The following PDZD2 variants were observed in gnomAD, a reference collection of about 807,000 sequenced individuals.
PDZD2 encodes the protein PDZ domain-containing protein 2.
PDZD2 carries 90 observed loss-of-function variants against 220.7 expected under a neutral mutation model. The observed-to-expected ratio is 0.41, with a 90% confidence interval of 0.34 to 0.49. The LOEUF is 0.49. Among genes scored for constraint, PDZD2 ranks in the 20% least tolerant of loss-of-function variants. The pLI is 0.28. For missense variants in PDZD2, 3,174 were observed against 3,608.5 expected, an observed-to-expected ratio of 0.88 and a Z score of 3.08; for synonymous variants, 1,375 against 1,450.5, an observed-to-expected ratio of 0.95 and a Z score of 1.18.
At chr5:31,890,706 G>A (rs1740952004) in intron 2 of PDZD2, among the ~76,000 whole-genome samples, 1 of 152,184 alleles carries the variant, frequency 6.6e-6, no homozygotes, top group African/African-American at 2.4e-5. Context: ...AAATCAAACA[G>A]GCTTAATGAG....
intron 1 of PDZD2, among the ~76,000 whole-genome samples, chr5:31,749,272 G>A (rs922842798): frequency 6.6e-6 from 1 of 152,152 alleles, no homozygotes; most frequent in Non-Finnish European, 1.5e-5. Flanking sequence ...TAGGCCCACA[G>A]ATACTTGTTT....
intron 2 of PDZD2, among the ~76,000 whole-genome samples, chr5:31,802,078 CTT>C (rs978542371): frequency 3.3e-5 from 5 of 152,106 alleles, no homozygotes; most frequent in Non-Finnish European, 5.9e-5. Flanking sequence ...GAACTGGAAT[CTT>C]TATTGAAGCT....
rs1746972675 is a variant in PDZD2 at position 31,688,776 on chromosome 5, T to C, written c.-361+49339T>C. Among the ~76,000 whole-genome samples, 3 of 152,040 alleles carry C rather than the reference T, an allele frequency of 2.0e-5. No individual in the cohort carries two copies. The South Asian group carries it at 6.2e-4, about 32-fold the overall frequency. The stretch of plus-strand genomic sequence containing the variant: ...AAGAGTGAATGAATATACTGCAGAG[T>C]TGACTTAATATTTGCTCTGCTTGAG... On this transcript the variant is annotated intron_variant, in intron 1 of 24. Transcript: ENST00000438447.
rs560397351 is a variant in PDZD2 at position 31,813,687 on chromosome 5, A to G, written c.476+13963A>G. On this transcript the variant is annotated intron_variant, in intron 2 of 24. Coordinates refer to ENST00000438447, the MANE Select transcript of PDZD2 (RefSeq NM_178140.4). Reference sequence around the variant, plus strand: ...GTGGTCAAAATAGCTAAAATAATACATGGAAAACAATATAGCTGCAAAATA... The same window carrying G: ...GTGGTCAAAATAGCTAAAATAATACGTGGAAAACAATATAGCTGCAAAATA... Among the ~76,000 whole-genome samples the G allele has an allele frequency of 3.9e-5, 6 of 152,368 alleles. No individual in the cohort carries two copies. The South Asian group carries it at 1.2e-3, about 32-fold the overall frequency.
intron 2 of PDZD2, among the ~76,000 whole-genome samples, chr5:31,857,826 T>A (rs919857184): frequency 2.6e-5 from 4 of 151,538 alleles, no homozygotes; most frequent in African/African-American, 9.7e-5. Context: ...TGTGTATTTT[T>A]ATTTTTATTT....
chr5:31,982,793 A>G (rs1325623590), intron 2 of PDZD2, among the ~76,000 whole-genome samples: 7 of 152,246 alleles, frequency 4.6e-5, no homozygotes, highest in Non-Finnish European at 1.0e-4. Flanking sequence ...ATGGGAGCCT[A>G]GCATAATTCC....
chr5:31,937,937 T>C (rs1207541318), intron 2 of PDZD2, among the ~76,000 whole-genome samples: 1 of 152,246 alleles, frequency 6.6e-6, no homozygotes, highest in African/African-American at 2.4e-5. Flanking sequence ...AGCCTGTTTT[T>C]GTATGGCCTG....
At chr5:31,704,268 C>T (rs1747724726) in intron 1 of PDZD2, among the ~76,000 whole-genome samples, 1 of 152,174 alleles carries the variant, frequency 6.6e-6, no homozygotes, top group Admixed American at 6.5e-5. Context: ...CAACCTCAGC[C>T]TCCCAAAGTG....
chr5:31,805,493 A>T (rs1260911549), intron 2 of PDZD2, among the ~76,000 whole-genome samples: 1 of 152,118 alleles, frequency 6.6e-6, no homozygotes, highest in African/African-American at 2.4e-5. Flanking sequence ...TCCTCGGTTG[A>T]TGGTTGCCTG....
chr5:31,851,993 A>T (rs1296570455), intron 2 of PDZD2, among the ~76,000 whole-genome samples: 1 of 151,420 alleles, frequency 6.6e-6, no homozygotes, highest in Non-Finnish European at 1.5e-5. Context: ...AGTAGCTGGG[A>T]TTACAAGTAC....
rs1285160300 is a variant in PDZD2, at chr5:32,073,975, C to T, written c.2869C>T (p.Leu957Phe). The change falls in exon 18 of 25, where the codon CTC (leucine) becomes TTC (phenylalanine). Residue 957 changes from leucine (L) to phenylalanine (F), a missense_variant. By Grantham distance (22) the Leu-to-Phe change is conservative. This residue lies in a region of PDZD2 where 1,861 missense variants were observed against 2,001.0 expected (regional missense o/e 0.93). Transcript: ENST00000438447. ...CCCACAGGCCCTCCGAAACCCTCTC[C>T]TCCGCCAGAGGAAGGTAGGCTGCTA... The part of the protein sequence containing the change: ...GSPQALRNPL[L>F]RQRKVGCYDA... The T allele has an allele frequency of 1.2e-6, 2 of 1,614,074 alleles. No homozygotes were observed. Among genetic ancestry groups the T allele is most frequent in the Admixed American group, 3.3e-5 (2 of 60,012 alleles).
chr5:31,786,218 G>A (rs1202809627), intron 1 of PDZD2, among the ~76,000 whole-genome samples: 2 of 152,148 alleles, frequency 1.3e-5, no homozygotes, highest in Non-Finnish European at 2.9e-5. Context: ...CTCTGCATCA[G>A]GCACTCCAGC....
chr5:31,722,046 C>T (rs1000095040), intron 1 of PDZD2, among the ~76,000 whole-genome samples: 2 of 152,128 alleles, frequency 1.3e-5, no homozygotes, highest in Non-Finnish European at 2.9e-5. Flanking sequence ...TCTTGAATGT[C>T]TTCTTCTCCC....
In PDZD2 at chr5:32,052,610, G is replaced by C. The variant is rs1197153921; in HGVS notation, c.1666-1G>C. On this transcript the variant is annotated splice_acceptor_variant, in intron 8 of 24. Coordinates refer to ENST00000438447, the MANE Select transcript of PDZD2 (RefSeq NM_178140.4). LOFTEE classifies it high-confidence loss of function. ...TGACCTTGCCGTGTGCTGACTTTTAGGAATACCACATTGTGAAGAAGTCTA... is the reference window on the plus strand; with the variant it reads ...TGACCTTGCCGTGTGCTGACTTTTACGAATACCACATTGTGAAGAAGTCTA... 6.2e-7 allele frequency: 1 copy of C among 1,613,758 alleles called. No homozygotes were observed. The highest frequency in any genetic ancestry group is 1.1e-5 in the South Asian group (1 of 91,076).
intron 1 of PDZD2, among the ~76,000 whole-genome samples, chr5:31,758,824 A>G (rs560838061): frequency 6.6e-6 from 1 of 152,290 alleles, no homozygotes; most frequent in South Asian, 2.1e-4. Flanking sequence ...ATTTCCTCCC[A>G]AAGTATGGAA....
intron 2 of PDZD2, among the ~76,000 whole-genome samples, chr5:31,861,873 T>C (rs576241373): frequency 9.2e-5 from 14 of 152,206 alleles, no homozygotes; most frequent in African/African-American, 3.1e-4. Context: ...TGTTTGTTCC[T>C]GTATTTTCCG....
chr5:31,932,846 A>T (rs558603191), intron 2 of PDZD2, among the ~76,000 whole-genome samples: 1 of 151,420 alleles, frequency 6.6e-6, no homozygotes, highest in South Asian at 2.1e-4. Context: ...GCCTCATACG[A>T]TTAAAATCAT....
intron 1 of PDZD2, among the ~76,000 whole-genome samples, chr5:31,759,936 G>C (rs1005403118): frequency 2.0e-5 from 3 of 152,166 alleles, no homozygotes; most frequent in African/African-American, 4.8e-5. Context: ...CATCAAAAAT[G>C]AATACATGTA....
intron 2 of PDZD2, among the ~76,000 whole-genome samples, chr5:31,867,675 T>C (rs530044387): frequency 2.8e-4 from 42 of 152,272 alleles, no homozygotes; most frequent in African/African-American, 8.7e-4. Context: ...GAAAAAGCCT[T>C]TCCTTAATGA....
Sources: gnomAD v4.1 joint callset for allele counts (sites outside exome capture counted in the v4.1 genomes callset) on GRCh38, gnomAD v4.1.1 for gene constraint, gnomAD v4.1.1 regional missense constraint, MANE v1.5 for transcripts, NCBI Gene and HGNC (gene_info 2026-07-23, HGNC 2026-07-21) for gene names.